The following SPATA17 variants were observed in gnomAD, a reference collection of about 807,000 sequenced individuals.
The protein encoded by SPATA17 is spermatogenesis associated 17, also known as spermatogenesis-associated protein 17.
Under a neutral mutation model 62.2 loss-of-function variants are expected in SPATA17, and 53 were observed. That is an observed-to-expected ratio of 0.85 (90% CI 0.68 to 1.07). The LOEUF is 1.07. Ranked by LOEUF, SPATA17 falls within the 50% of genes least tolerant of loss-of-function variation. The pLI, the probability that SPATA17 is intolerant of heterozygous loss-of-function variation, is 0.00. For missense variants in SPATA17, 466 were observed against 425.5 expected (o/e 1.10, Z -0.84); for synonymous variants, 146 against 146.8 (o/e 0.99, Z 0.04).
chr1:217,813,619 G>A (rs1397182), intron 9 of SPATA17, among the ~76,000 whole-genome samples: 15,491 of 151,910 alleles, frequency 0.1, 874 homozygotes, highest in East Asian at 0.13. Context: ...TTATGAGGAT[G>A]GCCTTCAATA....
intron 3 of SPATA17, among the ~76,000 whole-genome samples, chr1:217,656,033 C>A (rs1459542481): frequency 2.6e-5 from 4 of 151,646 alleles, no homozygotes; most frequent in African/African-American, 7.3e-5. Context: ...GCCTCCCCCA[C>A]CCCCCACGCC....
At chr1:217,786,600 A>G (rs902365266) in intron 8 of SPATA17, among the ~76,000 whole-genome samples, 8 of 152,138 alleles carry the variant, frequency 5.3e-5, no homozygotes, top group Non-Finnish European at 1.0e-4. Context: ...TCTTAGAGAA[A>G]GTGGATGGTA....
intron 3 of SPATA17, 50 bp from the exon 4 acceptor site, chr1:217,668,983 C>G (rs1173300117): frequency 2.7e-6 from 4 of 1,485,204 alleles, no homozygotes; most frequent in Non-Finnish European, 3.8e-6. Context: ...ATAGGCTGCA[C>G]TGTCTTTGTG....
chr1:217,641,076 T>G (rs1670051651), intron 1 of SPATA17, among the ~76,000 whole-genome samples: 1 of 152,126 alleles, frequency 6.6e-6, no homozygotes, highest in African/African-American at 2.4e-5. Context: ...GCAAAAATTT[T>G]GTTTCGAAAA....
intron 6 of SPATA17, among the ~76,000 whole-genome samples, chr1:217,772,116 TTTA>T (rs1474036781): frequency 6.7e-6 from 1 of 150,048 alleles, no homozygotes; most frequent in East Asian, 2.0e-4. Context: ...AAATATAACA[TTTA>T]TTTTTTTCTT....
intron 1 of SPATA17, among the ~76,000 whole-genome samples, chr1:217,648,061 A>G (rs892415102): frequency 6.6e-6 from 1 of 151,994 alleles, no homozygotes; most frequent in African/African-American, 2.4e-5. Context: ...ATGCAGTACA[A>G]ATATACAACA....
intron 5 of SPATA17, among the ~76,000 whole-genome samples, chr1:217,691,110 T>C (rs1178378176): frequency 1.4e-5 from 2 of 145,986 alleles, no homozygotes; most frequent in Non-Finnish European, 3.0e-5. Flanking sequence ...CCACCAACAG[T>C]GTAAAAGTGT....
chr1:217,709,561 T>G (rs1331346402), intron 5 of SPATA17, among the ~76,000 whole-genome samples: 1 of 152,300 alleles, frequency 6.6e-6, no homozygotes, highest in East Asian at 1.9e-4. Flanking sequence ...GAAGCTACAT[T>G]TGTCTCATAA....
At chr1:217,645,744 A>T (rs950958379) in intron 1 of SPATA17, among the ~76,000 whole-genome samples, 9 of 152,126 alleles carry the variant, frequency 5.9e-5, no homozygotes, top group African/African-American at 1.9e-4. Context: ...GTTGGCCATT[A>T]ATGACAGTGT....
Position 217,651,523 on chromosome 1 carries a change from C to T in SPATA17, c.240+345C>T, listed in dbSNP as rs535796889. On this transcript the variant is annotated intron_variant, in intron 3 of 10. Transcript: ENST00000366933. ...TGCAGCCCACTTCCTTTTTGGATCA[C>T]CAACATTTTAGGCTAATGCCTTGCC... Among the ~76,000 whole-genome samples, 251 of 152,236 alleles carry T rather than the reference C, an allele frequency of 1.6e-3. 1 individual carries two copies. The highest frequency in any genetic ancestry group is 5.7e-3 in the African/African-American group (237 of 41,538).
chr1:217,808,346 T>C (rs940803047), intron 9 of SPATA17, among the ~76,000 whole-genome samples: 1 of 109,016 alleles, frequency 9.2e-6, no homozygotes, highest in East Asian at 2.3e-4. Context: ...AATTAAAAAA[T>C]ACACACACAC....
intron 9 of SPATA17, among the ~76,000 whole-genome samples, chr1:217,806,092 G>C (rs1674429388): frequency 6.6e-6 from 1 of 152,182 alleles, no homozygotes; most frequent in African/African-American, 2.4e-5. Context: ...ATATTTCTAT[G>C]CCAAAAGGGA....
At chr1:217,728,079 T>C (rs1672310100) in intron 5 of SPATA17, among the ~76,000 whole-genome samples, 1 of 152,138 alleles carries the variant, frequency 6.6e-6, no homozygotes, top group South Asian at 2.1e-4. Context: ...ATTTTGTAAA[T>C]TCAACTTATA....
At chr1:217,734,853 T>C (rs1672477434) in intron 5 of SPATA17, among the ~76,000 whole-genome samples, 1 of 152,118 alleles carries the variant, frequency 6.6e-6, no homozygotes, top group Non-Finnish European at 1.5e-5. Context: ...CCAGAATGTT[T>C]AATTAAGCCA....
chr1:217,670,570 A>G (rs1670809108), intron 4 of SPATA17, among the ~76,000 whole-genome samples: 2 of 152,258 alleles, frequency 1.3e-5, no homozygotes, highest in South Asian at 4.1e-4. Flanking sequence ...GCATCATCCA[A>G]TGTCAATTTA....
chr1:217,826,633 A>G (rs1675007661), intron 9 of SPATA17, among the ~76,000 whole-genome samples: 1 of 152,098 alleles, frequency 6.6e-6, no homozygotes, highest in South Asian at 2.1e-4. Context: ...TTATGGGCTT[A>G]TTACTTATAA....
chr1:217,746,334 G>A (rs1300223637), intron 6 of SPATA17, among the ~76,000 whole-genome samples: 1 of 151,876 alleles, frequency 6.6e-6, no homozygotes, highest in African/African-American at 2.4e-5. Context: ...TTAGCAAAGA[G>A]AGGGACATTA....
At chr1:217,772,117 TTA>T (rs200396533) in intron 6 of SPATA17, among the ~76,000 whole-genome samples, 2,470 of 150,960 alleles carry the variant, frequency 0.016, 41 homozygotes, top group African/African-American at 0.024. Context: ...AATATAACAT[TTA>T]TTTTTTTCTT....
intron 6 of SPATA17, among the ~76,000 whole-genome samples, chr1:217,769,416 A>G (rs1673383958): frequency 6.6e-6 from 1 of 152,200 alleles, no homozygotes; most frequent in Non-Finnish European, 1.5e-5. Context: ...TTATTTTTGA[A>G]ATACCCTCTT....
Sources: allele counts gnomAD v4.1 joint callset (sites outside exome capture counted in the v4.1 genomes callset), GRCh38; gene constraint gnomAD v4.1.1; transcripts MANE v1.5; gene names NCBI Gene and HGNC (gene_info 2026-07-23, HGNC 2026-07-21).